Variants in KRT72 observed in about 807,000 individuals in gnomAD.
KRT72 encodes the protein keratin 72, also known as keratin, type II cytoskeletal 72.
A neutral mutation model predicts 44.7 loss-of-function variants in KRT72; 44 were observed. The observed-to-expected ratio is 0.98, with a 90% CI of 0.77 to 1.27. The LOEUF (loss-of-function observed/expected upper bound fraction) is 1.27. KRT72 is among the 50% of genes most tolerant of loss of function. The probability of loss-of-function intolerance (pLI) is 0.00; values close to 1 mark genes in which losing one functional copy is unlikely to be tolerated. For synonymous variants in KRT72, 302 were observed against 280.4 expected (o/e 1.08, Z -0.77); for missense variants, 736 against 667.1 (o/e 1.10, Z -1.14).
At chr12:52,588,059 T>G (rs1271616957) in intron 6 of KRT72, among the ~76,000 whole-genome samples, 1 of 152,116 alleles carries the variant, frequency 6.6e-6, no homozygotes, top group Non-Finnish European at 1.5e-5. Context: ...CATCTGAAAG[T>G]AGAAAACCTT....
intron 2 of KRT72, 150 bp downstream of exon 2, chr12:52,598,748 A>C: frequency 1.5e-6 from 1 of 651,480 alleles, no homozygotes; most frequent in Non-Finnish European, 2.7e-6. Flanking sequence ...CGGTGTAGGT[A>C]GATCTATTCT....
chr12:52,599,264 T>G (rs778454298), intron 1 of KRT72, 152 bp from the exon 2 acceptor site: 2 of 723,710 alleles, frequency 2.8e-6, no homozygotes, highest in Non-Finnish European at 4.9e-6. Flanking sequence ...CCGAGGGACA[T>G]GCTCACCTGG....
Position 52,601,203 on chromosome 12 carries a change from G to C in KRT72, c.250C>G (p.Leu84Val). 6.2e-7 allele frequency: 1 copy of C among 1,610,674 alleles called. No homozygotes were observed. Among genetic ancestry groups the C allele is most frequent in the Non-Finnish European group, 8.5e-7 (1 of 1,178,370 alleles). ...FVGTAFGSAG[L>V]GPKCPSVCPP... ...CACACGGAGGGACACTTGGGCCCCA[G>C]CCCGGCGCTGCCGAAGGCGGTGCCC... The change falls in exon 1 of 9, where the codon CTG (leucine) becomes GTG (valine). Residue 84 changes from leucine to valine, a missense_variant. Physicochemically the swap from Leu to Val is conservative, Grantham distance 32 (BLOSUM62 1). Coordinates refer to ENST00000293745, the MANE Select transcript of KRT72 (RefSeq NM_080747.3).
At chr12:52,602,115 GAA>G (rs1940494045), upstream of KRT72, among the ~76,000 whole-genome samples, 1 of 152,186 alleles carries the variant, frequency 6.6e-6, no homozygotes, top group Non-Finnish European at 1.5e-5. Context: ...GGACCAGAGC[GAA>G]AAGATTTCTC....
Position 52,592,285 on chromosome 12 carries a change from G to A in KRT72, c.798+111C>T, listed in dbSNP as rs1399264552. The stretch of plus-strand genomic sequence containing the variant: ...CCTTGGTGAATGTCAGGGGCACCAG[G>A]TTGAAAGCTTTCTCCCTCCCAATTC... On this transcript the variant is annotated intron_variant, in intron 4 of 8. Transcript: ENST00000293745. 5.3e-6 allele frequency: 4 copies of A among 759,736 alleles called. No individual in the cohort carries two copies. In the African/African-American group the frequency reaches 7.0e-5, roughly 13 times the overall value. 47.1% of individuals were successfully genotyped at this position (759,736 alleles called of 1,614,324 possible).
At chr12:52,592,650 C>T (rs147557252) in intron 3 of KRT72, among the ~76,000 whole-genome samples, 159 bp from the exon 4 acceptor site, 27 of 152,282 alleles carry the variant, frequency 1.8e-4, no homozygotes, top group Middle Eastern at 3.4e-3. Context: ...AACCAACTAA[C>T]GTGCAGTGCA....
At chr12:52,590,519 G>A (rs775579010) in intron 6 of KRT72, among the ~76,000 whole-genome samples, 39 of 152,272 alleles carry the variant, frequency 2.6e-4, no homozygotes, top group South Asian at 4.1e-4. Context: ...ACCTGCACAC[G>A]TGCTGTGCAC....
chr12:52,585,840 A>C lies in KRT72; in HGVS notation c.*142T>G. On this transcript the variant is annotated 3_prime_UTR_variant, in exon 9 of 9. Coordinates refer to ENST00000293745, the MANE Select transcript of KRT72 (RefSeq NM_080747.3). ...CCTTGCATCGAAGCATCACACCTTG[A>C]GGACAACAGGGAGAGGAAATGGGGT... The C allele has an allele frequency of 1.3e-6, 1 of 759,844 alleles. No homozygotes were observed. The highest frequency in any genetic ancestry group is 2.2e-6 in the Non-Finnish European group (1 of 454,486). 47.1% of individuals were successfully genotyped at this position (759,844 alleles called of 1,614,324 possible). A position where few individuals can be genotyped will look rare whatever the true frequency, so the allele number is the denominator to read the frequency against.
In KRT72 at chr12:52,591,531, A is replaced by C. The variant is rs147007594; in HGVS notation, c.896T>G (p.Val299Gly). Residue 299 changes from valine (V) to glycine (G), a missense_variant, in exon 5 of 9, where the codon GTC becomes GGC. Val to Gly is a moderately radical substitution (Grantham distance 109). Coordinates refer to ENST00000293745, the MANE Select transcript of KRT72 (RefSeq NM_080747.3). ...DLDLDSIIAE[V>G]RAQYEEIALK... Reference sequence around the variant, plus strand: ...GGCAATCTCCTCGTACTGGGCACGGACCTCGGCAATGATGCTGTCCAGGTC... The same window carrying C: ...GGCAATCTCCTCGTACTGGGCACGGCCCTCGGCAATGATGCTGTCCAGGTC... 103 of 1,613,894 alleles carry C rather than the reference A, an allele frequency of 6.4e-5. No individual in the cohort carries two copies. Among genetic ancestry groups the C allele is most frequent in the Non-Finnish European group, 8.6e-5 (101 of 1,179,972 alleles).
At chr12:52,591,918 T>C (rs1158141792) in intron 4 of KRT72, among the ~76,000 whole-genome samples, 1 of 152,112 alleles carries the variant, frequency 6.6e-6, no homozygotes, top group Non-Finnish European at 1.5e-5. Flanking sequence ...AAGTCTGAAC[T>C]CTTTACCTAG....
chr12:52,588,189 A>G (rs1347340922), intron 6 of KRT72, among the ~76,000 whole-genome samples: 1 of 152,254 alleles, frequency 6.6e-6, no homozygotes, highest in East Asian at 1.9e-4. Flanking sequence ...CTCTGAAAAA[A>G]AGTCTCTGAG....
intron 1 of KRT72, among the ~76,000 whole-genome samples, chr12:52,600,119 C>T (rs779378421): frequency 6.6e-6 from 1 of 152,060 alleles, no homozygotes; most frequent in South Asian, 2.1e-4. Flanking sequence ...TTCTGGATGC[C>T]CCACCCTCAG....
chr12:52,596,084 C>T (rs1265993278), intron 2 of KRT72, among the ~76,000 whole-genome samples: 1 of 152,136 alleles, frequency 6.6e-6, no homozygotes, highest in African/African-American at 2.4e-5. Context: ...ACAAATATCC[C>T]TGCCCTTAAG....
intron 6 of KRT72, among the ~76,000 whole-genome samples, chr12:52,588,632 T>G (rs1939878514): frequency 6.6e-6 from 1 of 152,196 alleles, no homozygotes; most frequent in Non-Finnish European, 1.5e-5. Context: ...CGTTTACCTA[T>G]GTAACAAACC....
At chr12:52,597,144 T>C (rs1940253319) in intron 2 of KRT72, among the ~76,000 whole-genome samples, 1 of 152,220 alleles carries the variant, frequency 6.6e-6, no homozygotes, top group South Asian at 2.1e-4. Flanking sequence ...CGTTTGAAAT[T>C]ACACCCTTTG....
At chr12:52,586,222 T>A in intron 8 of KRT72, 50 bp from the exon 9 acceptor site, 1 of 1,522,026 alleles carries the variant, frequency 6.6e-7, no homozygotes, top group Non-Finnish European at 9.0e-7. Context: ...TAGCCCCACG[T>A]CAGAGCCCCT....
At chr12:52,598,771 A>T (rs1407315672) in intron 2 of KRT72, 127 bp downstream of exon 2, 2 of 767,116 alleles carry the variant, frequency 2.6e-6, no homozygotes, top group Admixed American at 2.0e-5. Flanking sequence ...TCCTAGTTCC[A>T]TTCTGTCTGG....
rs151051540 is a variant in KRT72 at position 52,586,142 on chromosome 12, C to G, written c.1376G>C (p.Gly459Ala). The change falls in exon 9 of 9, where the codon GGA (glycine) becomes GCA (alanine). Residue 459 changes from glycine to alanine, a missense_variant. Coordinates refer to ENST00000293745, the MANE Select transcript of KRT72 (RefSeq NM_080747.3). The stretch of plus-strand genomic sequence containing the variant: ...AAAGCCCATGCTGAAGCCAGCCCCT[C>G]CTGCCCCAGCATTGGTGCTGCTGAT... ...SVISSTNAGA[G>A]GAGFSMGFGA... 8 of 1,613,950 alleles carry G rather than the reference C, an allele frequency of 5.0e-6. No individual in the cohort carries two copies. In the African/African-American group the frequency reaches 1.1e-4, roughly 22 times the overall value.
chr12:52,599,134 C>T (rs972692269), intron 1 of KRT72, 22 bp from the exon 2 acceptor site: 9 of 1,611,662 alleles, frequency 5.6e-6, no homozygotes, highest in Admixed American at 1.7e-5. Flanking sequence ...AGGCAGTCAT[C>T]GCCCAGAGTC....
Sources: allele counts gnomAD v4.1 joint callset (sites outside exome capture counted in the v4.1 genomes callset), GRCh38; gene constraint gnomAD v4.1.1; transcripts MANE v1.5; gene names NCBI Gene and HGNC (gene_info 2026-07-23, HGNC 2026-07-21).